ZNF304: variants seen among roughly 807,000 people sequenced by gnomAD.
ZNF304 encodes zinc finger protein 304, also known as KRAB-containing zinc finger protein.
In ZNF304, 7 loss-of-function variants were observed where a neutral mutation model predicts 7.8. That is an observed-to-expected ratio of 0.90 (90% CI 0.51 to 1.69). ZNF304 has a LOEUF of 1.69. Among genes scored for constraint, ZNF304 ranks in the 40% most tolerant of loss-of-function variants. ZNF304 has a pLI of 0.00. For missense variants in ZNF304, 669 were observed against 804.8 expected, an observed-to-expected ratio of 0.83 and a Z score of 2.04; for synonymous variants, 280 against 272.4, an observed-to-expected ratio of 1.03 and a Z score of -0.27.
Position 57,357,115 on chromosome 19 carries a change from G to A in ZNF304, c.1246G>A (p.Ala416Thr), listed in dbSNP as rs45612632. The A allele has an allele frequency of 0.025, 40,359 of 1,614,032 alleles. 648 individuals carry two copies. Among genetic ancestry groups the A allele is most frequent in the Middle Eastern group, 0.034 (208 of 6,062 alleles). Reference sequence around the variant, plus strand: ...TGAGCACTGGAGAATTCATACCGGGGCAAGGCCCTATGAATGCATAGAATG... The same window carrying A: ...TGAGCACTGGAGAATTCATACCGGGACAAGGCCCTATGAATGCATAGAATG... Reference protein sequence around the residue: ...LIEHWRIHTGARPYECIECGK... With the variant: ...LIEHWRIHTGTRPYECIECGK... The change falls in exon 3 of 3, where the codon GCA becomes ACA. Residue 416 changes from alanine to threonine, a missense_variant. Transcript: ENST00000282286.
At chr19:57,352,608 G>A (rs2088289107) in intron 1 of ZNF304, 1 of 152,182 alleles carries the variant, frequency 6.6e-6, no homozygotes. Context: ...GAGCAGAGGA[G>A]GGAGATGATC....
chr19:57,355,878 C>G, intron 2 of ZNF304, 152 bp from the exon 3 acceptor site: 1 of 870,960 alleles, frequency 1.1e-6, no homozygotes, highest in South Asian at 1.7e-5. Flanking sequence ...AGGCCCTATA[C>G]TGACAACCAG....
chr19:57,351,664 C>T lies in ZNF304; in HGVS notation c.-1C>T. The stretch of plus-strand genomic sequence containing the variant: ...GGGCACAGACTGTTCATCCGCTTCT[C>T]ATGGCAGCGGCGGTGCTGATGGACC... On this transcript the variant is annotated 5_prime_UTR_variant, in exon 1 of 3. Transcript: ENST00000282286. This position sits in a 1 kb window ranked among gnomAD's most constrained non-coding sequence, Gnocchi z 4.1. The T allele has an allele frequency of 6.2e-7, 1 of 1,613,524 alleles. No individual in the cohort carries two copies. The highest frequency in any genetic ancestry group is 8.5e-7 in the Non-Finnish European group (1 of 1,179,862).
rs755587009 is a variant in ZNF304, at chr19:57,357,600, CAAG to C, written c.1734_1736del (p.Lys579del). 3 of 1,614,220 alleles carry C rather than the reference CAAG, an allele frequency of 1.9e-6. No individual in the cohort carries two copies. Among genetic ancestry groups the C allele is most frequent in the South Asian group, 1.1e-5 (1 of 91,082 alleles). ...TTAGTAGCTCCCACCTTGTTCAACA[CAAG>C]AAAGTTCACACTGGAGCAAGACCTT... is the stretch of plus-strand genomic sequence containing the variant. On this transcript the variant is annotated inframe_deletion, in exon 3 of 3. Transcript: ENST00000282286.
At chr19:57,354,318 C>G (rs2088310685) in intron 2 of ZNF304, among the ~76,000 whole-genome samples, 1 of 152,172 alleles carries the variant, frequency 6.6e-6, no homozygotes, top group Admixed American at 6.6e-5. Context: ...ATCACACCTT[C>G]TTATGCAGGT....
chr19:57,355,962 A>G, intron 2 of ZNF304, 68 bp from the exon 3 acceptor site: 2 of 1,535,092 alleles, frequency 1.3e-6, no homozygotes, highest in Non-Finnish European at 1.8e-6. Flanking sequence ...TTAGACACAC[A>G]TTTGTGATGG....
At position 57,356,225 on chromosome 19, in the gene ZNF304, G is replaced by T. The variant is rs61731266; in HGVS notation, c.356G>T (p.Arg119Leu). ...CACCTTACACAGAAACTGTGCACAC[G>T]TGGGCTGTGTAGGAGAAGATTCTCG... ...GSHLTQKLCTRGLCRRRFSFS... is the reference protein window; with the variant it reads ...GSHLTQKLCTLGLCRRRFSFS... Residue 119 changes from arginine (R) to leucine (L), a missense_variant, in exon 3 of 3, where the codon CGT becomes CTT. Physicochemically the swap from Arg to Leu is moderately radical, Grantham distance 102 (BLOSUM62 -2). Coordinates refer to ENST00000282286, the MANE Select transcript of ZNF304 (RefSeq NM_020657.4). 1 of 1,614,176 alleles carries T rather than the reference G, an allele frequency of 6.2e-7. No homozygotes were observed. The highest frequency in any genetic ancestry group is 8.5e-7 in the Non-Finnish European group (1 of 1,180,024).
rs115094513 is a variant in ZNF304, at chr19:57,353,643, G to A, written c.34-82G>A. 570 of 1,507,290 alleles carry A rather than the reference G, an allele frequency of 3.8e-4. 1 individual carries two copies. In the African/African-American group the frequency reaches 6.4e-3, roughly 17 times the overall value. 93.4% of individuals were successfully genotyped at this position (1,507,290 alleles called of 1,614,324 possible). On this transcript the variant is annotated intron_variant, in intron 1 of 2. Coordinates refer to ENST00000282286, the MANE Select transcript of ZNF304 (RefSeq NM_020657.4). The stretch of plus-strand genomic sequence containing the variant: ...TGGGGAGGCGAGGGACTAGAGAGTG[G>A]GTGTGTGAGTGTGTAGACTGGGGAG...
intron 1 of ZNF304, among the ~76,000 whole-genome samples, chr19:57,352,312 G>A (rs982079334): frequency 6.6e-6 from 1 of 152,162 alleles, no homozygotes. Flanking sequence ...CTTGAGACAG[G>A]GGGCAGTGAA....
chr19:57,353,688 A>G (rs762376225), intron 1 of ZNF304, 37 bp from the exon 2 acceptor site: 1 of 1,577,080 alleles, frequency 6.3e-7, no homozygotes, highest in East Asian at 2.3e-5. Context: ...CTGGGGAGAG[A>G]TGCTGACTGT....
chr19:57,356,055 G>A lies in ZNF304; in HGVS notation c.186G>A (p.Glu62=), dbSNP rs566392451. 7.5e-6 allele frequency: 12 copies of A among 1,609,572 alleles called. No homozygotes were observed. Among genetic ancestry groups the A allele is most frequent in the Admixed American group, 5.0e-5 (3 of 59,648 alleles). Residue 62 remains glutamate, a synonymous_variant, in exon 3 of 3, where the codon GAG becomes GAA. Transcript: ENST00000282286. ...GTTTTTGGTGTGAAGCAGAACATGA[G>A]GCACCTTCTGAGCAGAGCGTTTCTG... ...TLGFWCEAEH[E]APSEQSVSVE...
chr19:57,351,468 C>T lies in ZNF304; in HGVS notation c.-197C>T. On this transcript the variant is annotated 5_prime_UTR_variant, in exon 1 of 3. Transcript: ENST00000282286. This position sits in a 1 kb window ranked among gnomAD's most constrained non-coding sequence, Gnocchi z 4.1. ...CCTCTCGCGGAGGTGTCTGCCGGGG[C>T]TGGGCTCTTACCGAGGCCTCCACAC... is the stretch of plus-strand genomic sequence containing the variant. The T allele has an allele frequency of 1.6e-6, 1 of 620,322 alleles. No homozygotes were observed. Among genetic ancestry groups the T allele is most frequent in the Non-Finnish European group, 2.8e-6 (1 of 355,164 alleles). The allele number at this position is 620,322 out of a possible 1,614,324, so 38.4% of individuals were successfully genotyped here.
Position 57,351,349 on chromosome 19 carries a change from T to A in ZNF304, c.-316T>A, listed in dbSNP as rs2088270420. The A allele has an allele frequency of 4.0e-5, 16 of 398,918 alleles. No individual in the cohort carries two copies. The South Asian group carries it at 5.8e-4, about 14-fold the overall frequency. 24.7% of individuals were successfully genotyped at this position (398,918 alleles called of 1,614,324 possible). A position where few individuals can be genotyped will look rare whatever the true frequency, so the allele number is the denominator to read the frequency against. ...AGATCGGGTCGGCTTTCTACGCGGC[T>A]CTCGTGGAACCTAGCAAAGAAAGAC... On this transcript the variant is annotated 5_prime_UTR_variant, in exon 1 of 3. Transcript: ENST00000282286. This position sits in a 1 kb window ranked among gnomAD's most constrained non-coding sequence, Gnocchi z 4.1.
chr19:57,354,568 A>C (rs751197451), intron 2 of ZNF304, among the ~76,000 whole-genome samples: 1 of 152,240 alleles, frequency 6.6e-6, no homozygotes, highest in Non-Finnish European at 1.5e-5. Flanking sequence ...GACCAAAAGA[A>C]TGTTCAAGAT....
At position 57,351,989 on chromosome 19, in the gene ZNF304, C is replaced by G. The variant is rs2088281133; in HGVS notation, c.33+292C>G. 2.4e-6 allele frequency: 1 copy of G among 411,616 alleles called. No homozygotes were observed. The highest frequency in any genetic ancestry group is 2.1e-5 in the African/African-American group (1 of 48,380). 25.5% of individuals were successfully genotyped at this position (411,616 alleles called of 1,614,324 possible). A position where few individuals can be genotyped will look rare whatever the true frequency, so the allele number is the denominator to read the frequency against. On this transcript the variant is annotated intron_variant, in intron 1 of 2. Transcript: ENST00000282286. The surrounding 1 kb of genome is among the most constrained non-coding windows in gnomAD (Gnocchi z 4.1). ...TGGAATGGCCGCCCGAGGAGCTGGT[C>G]CTCTCTTCTGAGGGTGCTGGGAGTC...
rs1375438856 is a variant in ZNF304, at chr19:57,351,495, C to G, written c.-170C>G. On this transcript the variant is annotated 5_prime_UTR_variant, in exon 1 of 3. Transcript: ENST00000282286. The surrounding 1 kb of genome is among the most constrained non-coding windows in gnomAD (Gnocchi z 4.1). ...GGGCTCTTACCGAGGCCTCCACACA[C>G]GTCCTCTTGTCCTTGTCTCCCCCAG... 9.2e-6 allele frequency: 7 copies of G among 764,254 alleles called. No individual in the cohort carries two copies. The highest frequency in any genetic ancestry group is 7.0e-5 in the African/African-American group (4 of 57,310). 47.3% of individuals were successfully genotyped at this position (764,254 alleles called of 1,614,324 possible). A position where few individuals can be genotyped will look rare whatever the true frequency, so the allele number is the denominator to read the frequency against.
rs1034333993 is a variant in ZNF304, at chr19:57,355,943, G to A, written c.161-87G>A. ...GTCCTGCCAACAAGCCAGTGGACTC[G>A]CACTGGTGTTAGACACACATTTGTG... On this transcript the variant is annotated intron_variant, in intron 2 of 2. Coordinates refer to ENST00000282286, the MANE Select transcript of ZNF304 (RefSeq NM_020657.4). 73 of 1,425,854 alleles carry A rather than the reference G, an allele frequency of 5.1e-5. No individual in the cohort carries two copies. In the Admixed American group the frequency reaches 8.1e-4, roughly 16 times the overall value. The allele number at this position is 1,425,854 out of a possible 1,614,324, so 88.3% of individuals were successfully genotyped here.
At chr19:57,353,322 A>G (rs1409447980) in intron 1 of ZNF304, among the ~76,000 whole-genome samples, 1 of 152,194 alleles carries the variant, frequency 6.6e-6, no homozygotes, top group East Asian at 1.9e-4. Flanking sequence ...CCAAAGAGTA[A>G]TGAGCACGTT....
chr19:57,353,124 G>C (rs1163508273), intron 1 of ZNF304, among the ~76,000 whole-genome samples: 2 of 152,190 alleles, frequency 1.3e-5, no homozygotes, highest in Admixed American at 1.3e-4. Context: ...TAAGAAAGTT[G>C]AAACTGGACA....
Sources: allele counts gnomAD v4.1 joint callset (sites outside exome capture counted in the v4.1 genomes callset), GRCh38; gene constraint gnomAD v4.1.1; non-coding constraint Gnocchi (gnomAD v3.1); transcripts MANE v1.5; gene names NCBI Gene and HGNC (gene_info 2026-07-23, HGNC 2026-07-21).